The following FAM20C variants were observed in gnomAD, a reference collection of about 807,000 sequenced individuals.
FAM20C encodes the protein extracellular serine/threonine protein kinase FAM20C.
A neutral mutation model predicts 51.5 loss-of-function variants in FAM20C; 40 were observed. The observed-to-expected ratio is 0.78, with a 90% CI of 0.60 to 1.01. FAM20C has a LOEUF of 1.01. Ranked by LOEUF, FAM20C falls within the 50% of genes least tolerant of loss-of-function variation. FAM20C has a pLI of 0.00. For synonymous variants in FAM20C, 406 were observed against 380.6 expected (o/e 1.07, Z -0.78); for missense variants, 861 against 844.7 (o/e 1.02, Z -0.24).
At chr7:208,870 AC>A in intron 2 of FAM20C, 27 bp from the exon 3 acceptor site, 1 of 1,554,734 alleles carries the variant, frequency 6.4e-7, no homozygotes, top group South Asian at 1.2e-5. Context: ...CCAGAGAGTG[AC>A]CCTGTTTCTC....
chr7:251,204 G>A (rs940381579), intron 5 of FAM20C, among the ~76,000 whole-genome samples: 1 of 147,422 alleles, frequency 6.8e-6, no homozygotes, highest in Non-Finnish European at 1.5e-5. Context: ...GGCGGCTCAC[G>A]GCTGCACTGA....
chr7:197,342 G>C (rs2115043390), intron 2 of FAM20C: 1 of 167,262 alleles, frequency 6.0e-6, no homozygotes, highest in African/African-American at 2.4e-5. Flanking sequence ...GCTCCACTGG[G>C]AGGGGCTGAG....
At chr7:230,367 C>CGGGGG (rs1300481360) in intron 3 of FAM20C, among the ~76,000 whole-genome samples, 1 of 8,582 alleles carries the variant, frequency 1.2e-4, no homozygotes. Flanking sequence ...GTCCCCAGGA[C>CGGGGG]GGGGTGGGGG....
At chr7:235,910 C>T (rs1787834100) in intron 3 of FAM20C, among the ~76,000 whole-genome samples, 1 of 152,238 alleles carries the variant, frequency 6.6e-6, no homozygotes, top group South Asian at 2.1e-4. Context: ...TGCCCTGTCT[C>T]CCCCAGCCAC....
chr7:256,144 T>G, intron 6 of FAM20C, 115 bp downstream of exon 6: 1 of 1,231,592 alleles, frequency 8.1e-7, no homozygotes, highest in Non-Finnish European at 1.1e-6. Flanking sequence ...GTGCAGAGCC[T>G]GCTGTGCGAT....
In FAM20C at chr7:256,611, A is replaced by G. The variant is rs1009173989; in HGVS notation, c.1254-43A>G. ...CCTCATGGCACGCGCCGGGCTCCCC[A>G]GAATCTGGCCTGGGCCCCCCGTCTC... On this transcript the variant is annotated intron_variant, in intron 6 of 9. Transcript: ENST00000313766. 3.4e-6 allele frequency: 5 copies of G among 1,486,590 alleles called. No homozygotes were observed. The African/African-American group carries it at 5.6e-5, about 17-fold the overall frequency. The allele number at this position is 1,486,590 out of a possible 1,614,324, so 92.1% of individuals were successfully genotyped here.
At chr7:215,233 G>GA (rs947273936) in intron 3 of FAM20C, among the ~76,000 whole-genome samples, 16 of 126,300 alleles carry the variant, frequency 1.3e-4, no homozygotes, top group South Asian at 5.4e-4. Context: ...CCAGCTGGGG[G>GA]GGGGAGCAGG....
At chr7:224,350 C>T (rs1456545368) in intron 3 of FAM20C, among the ~76,000 whole-genome samples, 5 of 25,232 alleles carry the variant, frequency 2.0e-4, no homozygotes, top group African/African-American at 5.5e-4. Context: ...CCTTCTCTCA[C>T]GGAGCAGAAC....
intron 2 of FAM20C, among the ~76,000 whole-genome samples, chr7:201,035 G>T (rs1015670420): frequency 6.6e-6 from 1 of 152,224 alleles, no homozygotes; most frequent in Non-Finnish European, 1.5e-5. Flanking sequence ...ACACCGAGCA[G>T]ACCTCTCTGG....
chr7:256,416 A>T (rs1562399741), intron 6 of FAM20C: 1 of 579,106 alleles, frequency 1.7e-6, no homozygotes, highest in Non-Finnish European at 3.1e-6. Context: ...TCTGCAAAAA[A>T]CACGGGGCCC....
intron 2 of FAM20C, among the ~76,000 whole-genome samples, chr7:201,732 C>G (rs1203121576): frequency 2.0e-5 from 3 of 152,326 alleles, no homozygotes; most frequent in East Asian, 3.9e-4. Context: ...GCCAGCATCT[C>G]TTGGAGTCCT....
intron 3 of FAM20C, among the ~76,000 whole-genome samples, chr7:240,768 C>A (rs945740270): frequency 6.6e-6 from 1 of 152,136 alleles, no homozygotes; most frequent in Non-Finnish European, 1.5e-5. Context: ...ACAATGCCAC[C>A]GATTGTGGCC....
rs374618842 is a variant in FAM20C at position 258,726 on chromosome 7, G to A, written c.1505+21G>A. 3.5e-5 allele frequency: 53 copies of A among 1,530,794 alleles called. No individual in the cohort carries two copies. In the Middle Eastern group the frequency reaches 5.2e-4, roughly 15 times the overall value. The allele number at this position is 1,530,794 out of a possible 1,614,324, so 94.8% of individuals were successfully genotyped here. On this transcript the variant is annotated intron_variant, in intron 9 of 9. Transcript: ENST00000313766. Reference sequence around the variant, plus strand: ...TGCAGGTACAGCCCCTGCCGGAGCCGGCTCCAGCTCCACCCTCCTCCCTAC... The same window carrying A: ...TGCAGGTACAGCCCCTGCCGGAGCCAGCTCCAGCTCCACCCTCCTCCCTAC...
chr7:258,754 C>T (rs559858737), intron 9 of FAM20C, 49 bp downstream of exon 9: 23 of 1,492,896 alleles, frequency 1.5e-5, no homozygotes, highest in South Asian at 5.0e-5. Context: ...CTCCCTACTG[C>T]GCAGGAGACA....
At chr7:229,383 A>G (rs187495325) in intron 3 of FAM20C, 3 of 165,162 alleles carry the variant, frequency 1.8e-5, no homozygotes, top group Admixed American at 5.5e-5. Context: ...TGACTCACAC[A>G]TGGCCGCTGA....
intron 3 of FAM20C, among the ~76,000 whole-genome samples, chr7:241,556 T>TTGTG (rs1221493976): frequency 0.1 from 15,036 of 148,964 alleles, 1,697 homozygotes; most frequent in African/African-American, 0.29. Context: ...TCTGTGGGGG[T>TTGTG]TGTGTGTGTG....
rs113534851 is a variant in FAM20C, at chr7:231,042, G to A, written c.864-15373G>A. On this transcript the variant is annotated intron_variant, in intron 3 of 9. Coordinates refer to ENST00000313766, the MANE Select transcript of FAM20C (RefSeq NM_020223.4). Reference sequence around the variant, plus strand: ...GCAGTGAGCTATGAAAGAAAAGACGGCCTGGGAGATGATGCTGGAAGACAC... The same window carrying A: ...GCAGTGAGCTATGAAAGAAAAGACGACCTGGGAGATGATGCTGGAAGACAC... Among the ~76,000 whole-genome samples, 22 of 152,240 alleles carry A rather than the reference G, an allele frequency of 1.4e-4. 1 individual carries two copies. The highest frequency in any genetic ancestry group is 4.8e-4 in the African/African-American group (20 of 41,540).
chr7:201,621 C>T (rs1174329429), intron 2 of FAM20C, among the ~76,000 whole-genome samples: 1 of 152,262 alleles, frequency 6.6e-6, no homozygotes, highest in Non-Finnish European at 1.5e-5. Flanking sequence ...GGTTATGTGG[C>T]TTGCCTAAGG....
intron 2 of FAM20C, among the ~76,000 whole-genome samples, chr7:200,387 AG>A (rs1353231504): frequency 6.6e-6 from 1 of 152,238 alleles, no homozygotes; most frequent in Non-Finnish European, 1.5e-5. Flanking sequence ...CCACCTGCAA[AG>A]GACGATTTCA....
Sources: gnomAD v4.1 joint callset for allele counts (sites outside exome capture counted in the v4.1 genomes callset) on GRCh38, gnomAD v4.1.1 for gene constraint, MANE v1.5 for transcripts, NCBI Gene and HGNC (gene_info 2026-07-23, HGNC 2026-07-21) for gene names.